Variants in RGP1 observed in about 807,000 individuals in gnomAD.
RGP1 encodes RAB6A-GEF complex partner protein 2.
A neutral mutation model predicts 44.5 loss-of-function variants in RGP1; 28 were observed. That is an observed-to-expected ratio of 0.63 (90% CI 0.47 to 0.86). RGP1 has a LOEUF of 0.86. Among genes scored for constraint, RGP1 ranks in the 40% least tolerant of loss-of-function variants. The probability of loss-of-function intolerance (pLI) is 0.00; values close to 1 mark genes in which losing one functional copy is unlikely to be tolerated. For missense variants in RGP1, 417 were observed against 490.7 expected (o/e 0.85, Z 1.42); for synonymous variants, 212 against 196.7 (o/e 1.08, Z -0.65).
intron 8 of RGP1, among the ~76,000 whole-genome samples, chr9:35,752,397 G>T (rs1827282256): frequency 6.6e-6 from 1 of 152,216 alleles, no homozygotes; most frequent in East Asian, 1.9e-4. Context: ...ACTGATTTTT[G>T]ATTACTTCAT....
the RGP1 span, among the ~76,000 whole-genome samples, chr9:35,774,970 A>G: frequency 1.3e-5 from 2 of 152,192 alleles, no homozygotes; most frequent in East Asian, 1.9e-4. Flanking sequence ...CAGGAAATTT[A>G]TAATACCCTT....
At chr9:35,772,397 A>G in the RGP1 span, 3 of 152,218 alleles carry the variant, frequency 2.0e-5, no homozygotes, top group African/African-American at 7.2e-5. Context: ...TAAGTAGATG[A>G]CAGTAACATC....
the RGP1 span, among the ~76,000 whole-genome samples, chr9:35,778,585 T>C: frequency 6.6e-6 from 1 of 152,220 alleles, no homozygotes; most frequent in Admixed American, 6.5e-5. Flanking sequence ...ATATGACATG[T>C]CAAACTGGTG....
At chr9:35,787,740 A>G in the RGP1 span, among the ~76,000 whole-genome samples, 6 of 152,240 alleles carry the variant, frequency 3.9e-5, no homozygotes, top group African/African-American at 1.2e-4. Flanking sequence ...TGCTTTCTAT[A>G]TACTTTGCTA....
downstream of RGP1, among the ~76,000 whole-genome samples, chr9:35,759,540 C>A (rs556801466): frequency 2.7e-4 from 35 of 128,282 alleles, no homozygotes; most frequent in African/African-American, 9.4e-4. Flanking sequence ...GCACTCCAGC[C>A]TGGGTGACAG....
At chr9:35,774,599 C>T in the RGP1 span, among the ~76,000 whole-genome samples, 1 of 152,146 alleles carries the variant, frequency 6.6e-6, no homozygotes, top group African/African-American at 2.4e-5. Flanking sequence ...TGGCGGGCGC[C>T]TGTAGTCCCA....
At chr9:35,786,875 C>T in the RGP1 span, 1 of 151,872 alleles carries the variant, frequency 6.6e-6, no homozygotes, top group African/African-American at 2.4e-5. Context: ...GTGGGCAGAT[C>T]ACGAGGTCAG....
the RGP1 span, among the ~76,000 whole-genome samples, chr9:35,775,786 T>G: frequency 6.6e-6 from 1 of 152,126 alleles, no homozygotes; most frequent in Non-Finnish European, 1.5e-5. Flanking sequence ...TTAAAAAAAT[T>G]TTTGCTTTAC....
In RGP1 at chr9:35,753,370, C is replaced by A; in HGVS notation, c.*496C>A. On this transcript the variant is annotated 3_prime_UTR_variant, in exon 9 of 9. Transcript: ENST00000378078. The surrounding 1 kb of genome is among the most constrained non-coding windows in gnomAD (Gnocchi z 4.2). ...TGTTCCCTCTCTCACAGTTTTCCCC[C>A]CACAGAGCCCCTTTCAGTGGCCCCT... is the stretch of plus-strand genomic sequence containing the variant. 1 of 1,422,678 alleles carries A rather than the reference C, an allele frequency of 7.0e-7. No homozygotes were observed. The highest frequency in any genetic ancestry group is 2.4e-5 in the East Asian group (1 of 42,400). The allele number at this position is 1,422,678 out of a possible 1,614,324, so 88.1% of individuals were successfully genotyped here. A position where few individuals can be genotyped will look rare whatever the true frequency, so the allele number is the denominator to read the frequency against.
Position 35,749,851 on chromosome 9 carries a change from C to G in RGP1, c.96C>G (p.Pro32=). 4 of 1,612,972 alleles carry G rather than the reference C, an allele frequency of 2.5e-6. No homozygotes were observed. The highest frequency in any genetic ancestry group is 3.4e-6 in the Non-Finnish European group (4 of 1,179,294). Residue 32 remains proline, a synonymous_variant, in exon 2 of 9, where the codon CCC becomes CCG. Coordinates refer to ENST00000378078, the MANE Select transcript of RGP1 (RefSeq NM_001080496.3). The surrounding 1 kb of genome is among the most constrained non-coding windows in gnomAD (Gnocchi z 4.4). ...CVVTVTNPLP[P]TATSASSEAL... Reference sequence around the variant, plus strand: ...TGACCGTCACCAACCCCCTTCCGCCCACGGCCACTTCTGCATCCAGGTGGG... The same window carrying G: ...TGACCGTCACCAACCCCCTTCCGCCGACGGCCACTTCTGCATCCAGGTGGG...
Position 35,750,974 on chromosome 9 carries a change from G to T in RGP1, c.472G>T (p.Val158Phe). ...CACTTTACTCAGAGTCCCTCTGAGG[G>T]TTCTTGTGCTGACTGGTAAGCAAGG... ...PITLLRVPLRVLVLTGLQDVR... is the reference protein window; with the variant it reads ...PITLLRVPLRFLVLTGLQDVR... Residue 158 changes from valine to phenylalanine, a missense_variant, in exon 5 of 9, where the codon GTT (valine) becomes TTT (phenylalanine). Val to Phe is a conservative substitution (Grantham distance 50). Coordinates refer to ENST00000378078, the MANE Select transcript of RGP1 (RefSeq NM_001080496.3). 6.2e-7 allele frequency: 1 copy of T among 1,613,830 alleles called. No homozygotes were observed. The highest frequency in any genetic ancestry group is 8.5e-7 in the Non-Finnish European group (1 of 1,179,878).
chr9:35,758,849 C>G (rs2132041521), downstream of RGP1, among the ~76,000 whole-genome samples: 1 of 152,134 alleles, frequency 6.6e-6, no homozygotes, highest in South Asian at 2.1e-4. Context: ...GGCTCTTTTC[C>G]ACCTTTAACA....
chr9:35,782,041 C>T, the RGP1 span, among the ~76,000 whole-genome samples: 4 of 132,334 alleles, frequency 3.0e-5, no homozygotes, highest in African/African-American at 1.2e-4. Flanking sequence ...GGCTGGAGTG[C>T]AGTGGTGTGA....
chr9:35,778,833 T>A, the RGP1 span, among the ~76,000 whole-genome samples: 1 of 152,222 alleles, frequency 6.6e-6, no homozygotes, highest in Non-Finnish European at 1.5e-5. Context: ...TATGTATATG[T>A]GCTTTTTATA....
downstream of RGP1, among the ~76,000 whole-genome samples, chr9:35,759,331 G>A (rs934697980): frequency 6.6e-6 from 1 of 152,032 alleles, no homozygotes. Flanking sequence ...TGGGGAGGCC[G>A]AGGCAGGCAG....
chr9:35,776,328 C>T, the RGP1 span, among the ~76,000 whole-genome samples: 1 of 151,572 alleles, frequency 6.6e-6, no homozygotes, highest in Non-Finnish European at 1.5e-5. Flanking sequence ...GCTGTGTCAT[C>T]CAGGCTGGGG....
In RGP1 at chr9:35,752,092, G is replaced by C; in HGVS notation, c.899G>C (p.Ser300Thr). The C allele has an allele frequency of 6.2e-7, 1 of 1,603,322 alleles. No homozygotes were observed. ...QESCLHTTRT[S>T]FSLPIPLSST... ...TCCTGCCTACATACAACTAGAACCAGCTTCTCCCTCCCAATCCCTCTCAGC... is the reference window on the plus strand; with the variant it reads ...TCCTGCCTACATACAACTAGAACCACCTTCTCCCTCCCAATCCCTCTCAGC... The change falls in exon 8 of 9, where the codon AGC becomes ACC. Residue 300 changes from serine (S) to threonine (T), a missense_variant. Ser to Thr is a moderately conservative substitution (Grantham distance 58). Transcript: ENST00000378078.
chr9:35,767,997 CGCTATGTT>C, the RGP1 span, among the ~76,000 whole-genome samples: 28 of 152,096 alleles, frequency 1.8e-4, no homozygotes, highest in African/African-American at 6.3e-4. Context: ...GACAGGGTTT[CGCTATGTT>C]GACCAGACTG....
the RGP1 span, among the ~76,000 whole-genome samples, chr9:35,788,573 GA>G: frequency 7.7e-4 from 91 of 117,576 alleles, no homozygotes; most frequent in Middle Eastern, 4.2e-3. Flanking sequence ...CTCAAAAAAA[GA>G]AAAAAAAAAA....
Sources: allele counts gnomAD v4.1 joint callset (sites outside exome capture counted in the v4.1 genomes callset), GRCh38; gene constraint gnomAD v4.1.1; non-coding constraint Gnocchi (gnomAD v3.1); transcripts MANE v1.5; gene names NCBI Gene and HGNC (gene_info 2026-07-23, HGNC 2026-07-21).